The following PTPN14 variants were observed in gnomAD, a reference collection of about 807,000 sequenced individuals.
The protein encoded by PTPN14 is tyrosine-protein phosphatase non-receptor type 14.
In PTPN14, 53 loss-of-function variants were observed where a neutral mutation model predicts 126.8. That is an observed-to-expected ratio of 0.42 (90% CI 0.34 to 0.53). The LOEUF (loss-of-function observed/expected upper bound fraction) is 0.53. PTPN14 is among the 20% of genes least tolerant of loss of function. PTPN14 has a pLI of 0.08. For missense variants in PTPN14, 1,257 were observed against 1,552.9 expected (o/e 0.81, Z 3.20); for synonymous variants, 630 against 599.3 (o/e 1.05, Z -0.75).
chr1:214,452,073 T>G, intron 2 of PTPN14, 99 bp from the exon 3 acceptor site: 1 of 1,353,028 alleles, frequency 7.4e-7, no homozygotes, highest in Non-Finnish European at 1.0e-6. Context: ...CCACCCTGGG[T>G]TCCCCAGCCC....
chr1:214,500,116 T>C (rs1362470409), intron 1 of PTPN14, among the ~76,000 whole-genome samples: 2 of 151,988 alleles, frequency 1.3e-5, no homozygotes, highest in African/African-American at 4.8e-5. Flanking sequence ...ATTTTTGCTT[T>C]ATATTTTATT....
In PTPN14 at chr1:214,369,591, G is replaced by A. The variant is rs61749333; in HGVS notation, c.3137C>T (p.Thr1046Met). 2.5e-6 allele frequency: 4 copies of A among 1,614,036 alleles called. No homozygotes were observed. The highest frequency in any genetic ancestry group is 2.5e-6 in the Non-Finnish European group (3 of 1,180,046). Residue 1046 changes from threonine to methionine, a missense_variant, in exon 17 of 19, where the codon ACG (threonine) becomes ATG (methionine). Thr to Met is a moderately conservative substitution (Grantham distance 81). Coordinates refer to ENST00000366956, the MANE Select transcript of PTPN14 (RefSeq NM_005401.5). ...CGTGGTTGCATAGCAAACAGAATCC[G>A]TTCGAAACTTCGTGGTGACCTTGAA... is the stretch of plus-strand genomic sequence containing the variant. ...GKFKVTTKFR[T>M]DSVCYATTGL...
rs929373072 is a variant in PTPN14, at chr1:214,352,418, C to T, written c.*5504G>A. ...GGATAAAGGCTGAGTGTTGATGGCG[C>T]AAGCTGGTGGTCAAGTTTCACAGGG... On this transcript the variant is annotated 3_prime_UTR_variant, in exon 19 of 19. Coordinates refer to ENST00000366956, the MANE Select transcript of PTPN14 (RefSeq NM_005401.5). The T allele has an allele frequency of 2.0e-5, 3 of 152,182 alleles. No individual in the cohort carries two copies. Among genetic ancestry groups the T allele is most frequent in the African/African-American group, 7.2e-5 (3 of 41,432 alleles). 9.4% of individuals were successfully genotyped at this position (152,182 alleles called of 1,614,324 possible).
At position 214,464,696 on chromosome 1, in the gene PTPN14, C is replaced by T. The variant is rs748318666; in HGVS notation, c.108G>A (p.Thr36=). 1.7e-5 allele frequency: 27 copies of T among 1,614,172 alleles called. No individual in the cohort carries two copies. The highest frequency in any genetic ancestry group is 1.9e-5 in the Non-Finnish European group (23 of 1,180,062). Residue 36 remains threonine, a synonymous_variant, in exon 2 of 19, where the codon ACG becomes ACA. Transcript: ENST00000366956. ...CTTGCCCTGTGCTTTCCACCGACAGCGTGCACTCGATAACATTGCTGTCCA... is the reference window on the plus strand; with the variant it reads ...CTTGCCCTGTGCTTTCCACCGACAGTGTGCACTCGATAACATTGCTGTCCA... ...RLLDSNVIEC[T]LSVESTGQEC...
chr1:214,427,803 C>A (rs745615197), intron 3 of PTPN14, among the ~76,000 whole-genome samples: 15 of 152,046 alleles, frequency 9.9e-5, no homozygotes, highest in Non-Finnish European at 1.6e-4. Flanking sequence ...AAATGAGGAG[C>A]TAGCCATGTG....
chr1:214,441,648 A>G (rs1233479425), intron 3 of PTPN14, among the ~76,000 whole-genome samples: 2 of 152,174 alleles, frequency 1.3e-5, no homozygotes, highest in Non-Finnish European at 2.9e-5. Context: ...TGATACCCCT[A>G]CAATCTTGAG....
At chr1:214,506,097 C>T (rs774838684) in intron 1 of PTPN14, among the ~76,000 whole-genome samples, 1 of 152,014 alleles carries the variant, frequency 6.6e-6, no homozygotes, top group South Asian at 2.1e-4. Context: ...ACAATTCCTT[C>T]GATTACTAAG....
At chr1:214,363,645 C>A (rs1357066176) in intron 18 of PTPN14, among the ~76,000 whole-genome samples, 3 of 152,190 alleles carry the variant, frequency 2.0e-5, no homozygotes, top group African/African-American at 7.2e-5. Context: ...GTAAGAGCCA[C>A]ATGGCACTAG....
intron 15 of PTPN14, among the ~76,000 whole-genome samples, chr1:214,375,560 T>C (rs1378632850): frequency 6.6e-6 from 1 of 152,192 alleles, no homozygotes; most frequent in Non-Finnish European, 1.5e-5. Flanking sequence ...TACACATGTA[T>C]CCATAAGTCA....
chr1:214,468,799 A>C (rs1226899852), intron 1 of PTPN14, among the ~76,000 whole-genome samples: 1 of 152,198 alleles, frequency 6.6e-6, no homozygotes, highest in East Asian at 1.9e-4. Context: ...GTCACTGCTG[A>C]ATTTAAATGA....
chr1:214,521,936 C>CTTT (rs367888207), intron 1 of PTPN14, among the ~76,000 whole-genome samples: 8 of 99,926 alleles, frequency 8.0e-5, no homozygotes, highest in South Asian at 3.8e-4. Context: ...AAATCTGAAG[C>CTTT]TTTTTTTTTT....
At chr1:214,547,381 G>A (rs187224660) in intron 1 of PTPN14, among the ~76,000 whole-genome samples, 17 of 152,270 alleles carry the variant, frequency 1.1e-4, no homozygotes, top group African/African-American at 3.4e-4. Flanking sequence ...AAGAACACAC[G>A]CTGCATACCT....
chr1:214,454,521 G>A (rs776874817), intron 2 of PTPN14, among the ~76,000 whole-genome samples: 4 of 151,822 alleles, frequency 2.6e-5, no homozygotes, highest in Non-Finnish European at 5.9e-5. Context: ...ATATACACAC[G>A]AACATGTATG....
chr1:214,364,762 G>GGTGA lies in PTPN14; in HGVS notation c.3272-91_3272-88dup. 4 of 714,530 alleles carry GGTGA rather than the reference G, an allele frequency of 5.6e-6. No individual in the cohort carries two copies. The highest frequency in any genetic ancestry group is 6.1e-6 in the Non-Finnish European group (3 of 494,630). 44.3% of individuals were successfully genotyped at this position (714,530 alleles called of 1,614,324 possible). On this transcript the variant is annotated intron_variant, in intron 17 of 18. Coordinates refer to ENST00000366956, the MANE Select transcript of PTPN14 (RefSeq NM_005401.5). This position sits in a 1 kb window ranked among gnomAD's most constrained non-coding sequence, Gnocchi z 4.1. ...GAGGGGGGAGCGGAAGAGAACTGAT[G>GGTGA]GTGAGTGTGTGTGTGTGTGTGTGTG...
At chr1:214,546,533 C>T (rs1207222035) in intron 1 of PTPN14, among the ~76,000 whole-genome samples, 1 of 152,210 alleles carries the variant, frequency 6.6e-6, no homozygotes, top group African/African-American at 2.4e-5. Context: ...CAGTGGCCCA[C>T]ATGGTATGGC....
rs908528321 is a variant in PTPN14, at chr1:214,348,736, C to A, written c.*9186G>T. 2 of 151,938 alleles carry A rather than the reference C, an allele frequency of 1.3e-5. No individual in the cohort carries two copies. The highest frequency in any genetic ancestry group is 2.9e-5 in the Non-Finnish European group (2 of 67,992). 9.4% of individuals were successfully genotyped at this position (151,938 alleles called of 1,614,324 possible). A position where few individuals can be genotyped will look rare whatever the true frequency, so the allele number is the denominator to read the frequency against. On this transcript the variant is annotated 3_prime_UTR_variant, in exon 19 of 19. Coordinates refer to ENST00000366956, the MANE Select transcript of PTPN14 (RefSeq NM_005401.5). ...AAAAAGGTTTATTGCATATGGAAATCAATAGATATCTTTTACAAAAAAAGG... is the reference window on the plus strand; with the variant it reads ...AAAAAGGTTTATTGCATATGGAAATAAATAGATATCTTTTACAAAAAAAGG...
rs1424467382 is a variant in PTPN14 at position 214,364,762 on chromosome 1, GGTGAGTGT to G, written c.3272-95_3272-88del. On this transcript the variant is annotated intron_variant, in intron 17 of 18. Transcript: ENST00000366956. The surrounding 1 kb of genome is among the most constrained non-coding windows in gnomAD (Gnocchi z 4.1). ...GAGGGGGGAGCGGAAGAGAACTGATGGTGAGTGTGTGTGTGTGTGTGTGTGTGTGTGTG... is the reference window on the plus strand; with the variant it reads ...GAGGGGGGAGCGGAAGAGAACTGATGGTGTGTGTGTGTGTGTGTGTGTGTG... 1.1e-4 allele frequency: 76 copies of G among 714,532 alleles called. No individual in the cohort carries two copies. Among genetic ancestry groups the G allele is most frequent in the South Asian group, 9.2e-4 (47 of 51,322 alleles). 44.3% of individuals were successfully genotyped at this position (714,532 alleles called of 1,614,324 possible).
At chr1:214,363,275 G>T (rs1361355025) in intron 18 of PTPN14, among the ~76,000 whole-genome samples, 2 of 152,124 alleles carry the variant, frequency 1.3e-5, no homozygotes, top group African/African-American at 4.8e-5. Context: ...TGGACAGACT[G>T]GAAGATTCTC....
rs552493552 is a variant in PTPN14 at position 214,480,353 on chromosome 1, C to T, written c.-154-15396G>A. On this transcript the variant is annotated intron_variant, in intron 1 of 18. Coordinates refer to ENST00000366956, the MANE Select transcript of PTPN14 (RefSeq NM_005401.5). ...CACTTCCATAAAAAGAAAAGACCCA[C>T]GCTTGGAGTCAAAAGAACCAAGTTC... Among the ~76,000 whole-genome samples, 4 of 152,338 alleles carry T rather than the reference C, an allele frequency of 2.6e-5. No homozygotes were observed. In the South Asian group the frequency reaches 6.2e-4, roughly 24 times the overall value.
Sources: allele counts gnomAD v4.1 joint callset (sites outside exome capture counted in the v4.1 genomes callset), GRCh38; gene constraint gnomAD v4.1.1; non-coding constraint Gnocchi (gnomAD v3.1); transcripts MANE v1.5; gene names NCBI Gene and HGNC (gene_info 2026-07-23, HGNC 2026-07-21).